The following PRICKLE2 variants were observed in gnomAD, a reference collection of about 807,000 sequenced individuals.
PRICKLE2 encodes prickle-like protein 2.
PRICKLE2 carries 21 observed loss-of-function variants against 81.4 expected under a neutral mutation model. That is an observed-to-expected ratio of 0.26 (90% CI 0.18 to 0.37). The LOEUF (loss-of-function observed/expected upper bound fraction) is 0.37, where lower values mean the gene tolerates loss of function less well. Among genes scored for constraint, PRICKLE2 ranks in the 10% least tolerant of loss-of-function variants. PRICKLE2 has a pLI of 1.00. For missense variants in PRICKLE2, 940 were observed against 1,109.0 expected, an observed-to-expected ratio of 0.85 and a Z score of 2.16; for synonymous variants, 456 against 421.5, an observed-to-expected ratio of 1.08 and a Z score of -1.00.
At chr3:64,251,380 C>T (rs1559604510) in intron 2 of PRICKLE2, among the ~76,000 whole-genome samples, 1 of 152,218 alleles carries the variant, frequency 6.6e-6, no homozygotes, top group African/African-American at 2.4e-5. Flanking sequence ...ACCACTTCTG[C>T]ATGTCCTCTC....
chr3:64,202,386 GA>G (rs2078599463), intron 1 of PRICKLE2, among the ~76,000 whole-genome samples: 1 of 152,068 alleles, frequency 6.6e-6, no homozygotes, highest in Admixed American at 6.5e-5. Context: ...GCCAATCCAT[GA>G]ACACAGGCTA....
intron 7 of PRICKLE2, among the ~76,000 whole-genome samples, chr3:64,106,756 G>T (rs1482152112): frequency 6.6e-6 from 1 of 152,186 alleles, no homozygotes; most frequent in Non-Finnish European, 1.5e-5. Context: ...TTAAGCCATG[G>T]GGTGTGTGTG....
intron 2 of PRICKLE2, among the ~76,000 whole-genome samples, chr3:64,235,724 A>G (rs573396921): frequency 1.3e-5 from 2 of 152,292 alleles, no homozygotes; most frequent in Admixed American, 1.3e-4. Context: ...TATTGTTTTG[A>G]CAATTCCTTT....
chr3:64,237,053 G>C (rs1200828724), intron 2 of PRICKLE2, among the ~76,000 whole-genome samples: 1 of 152,170 alleles, frequency 6.6e-6, no homozygotes, highest in African/African-American at 2.4e-5. Context: ...CACAGGATGG[G>C]GAGCACGCAG....
chr3:64,137,058 G>A (rs1038939577), intron 7 of PRICKLE2, among the ~76,000 whole-genome samples: 2 of 152,142 alleles, frequency 1.3e-5, no homozygotes, highest in African/African-American at 4.8e-5. Flanking sequence ...CTAATACGTA[G>A]GGAAGAAACT....
At chr3:64,119,187 A>G (rs962720662) in intron 7 of PRICKLE2, among the ~76,000 whole-genome samples, 2 of 152,186 alleles carry the variant, frequency 1.3e-5, no homozygotes, top group South Asian at 4.1e-4. Flanking sequence ...ACATGGACAC[A>G]TGGAGGGGAA....
At chr3:64,263,084 G>C (rs188811999) in intron 2 of PRICKLE2, among the ~76,000 whole-genome samples, 1 of 152,178 alleles carries the variant, frequency 6.6e-6, no homozygotes, top group Non-Finnish European at 1.5e-5. Flanking sequence ...GCTCAAGAGG[G>C]AGATGTAAAA....
chr3:64,168,455 G>A (rs1054347596), intron 2 of PRICKLE2, among the ~76,000 whole-genome samples: 2 of 152,116 alleles, frequency 1.3e-5, no homozygotes, highest in Non-Finnish European at 2.9e-5. Context: ...AGCCATCCTG[G>A]GCTGCATGCA....
intron 2 of PRICKLE2, among the ~76,000 whole-genome samples, chr3:64,168,996 T>A (rs147185602): frequency 9.0e-4 from 137 of 152,234 alleles, no homozygotes; most frequent in Admixed American, 1.8e-3. Flanking sequence ...ATTTTTTTTT[T>A]CTTCCTTAAC....
intron 1 of PRICKLE2, among the ~76,000 whole-genome samples, chr3:64,223,419 AT>A (rs572793843): frequency 3.3e-5 from 5 of 152,128 alleles, no homozygotes; most frequent in Admixed American, 1.3e-4. Context: ...ATATCATCTC[AT>A]ACTATCTAAC....
At chr3:64,100,071 C>A (rs2076632376) in intron 7 of PRICKLE2, 146 bp from the exon 8 acceptor site, 2 of 809,928 alleles carry the variant, frequency 2.5e-6, no homozygotes, top group Non-Finnish European at 2.0e-6. Flanking sequence ...GGCACATGTG[C>A]CTGTGAGGGG....
chr3:64,256,432 A>G (rs755568620), intron 2 of PRICKLE2, among the ~76,000 whole-genome samples: 18 of 152,206 alleles, frequency 1.2e-4, no homozygotes, highest in Non-Finnish European at 2.2e-4. Context: ...TCATTACACA[A>G]GTACCTACAT....
chr3:64,266,540 C>G (rs2079712243), intron 2 of PRICKLE2, among the ~76,000 whole-genome samples: 1 of 152,146 alleles, frequency 6.6e-6, no homozygotes, highest in Admixed American at 6.5e-5. Flanking sequence ...GTAGGATGAG[C>G]AGAATCAGCT....
intron 1 of PRICKLE2, among the ~76,000 whole-genome samples, chr3:64,215,528 C>G (rs1281219811): frequency 1.3e-5 from 2 of 152,160 alleles, no homozygotes; most frequent in Non-Finnish European, 2.9e-5. Context: ...TTGACTAATA[C>G]TTAGTCTGAA....
rs990584312 is a variant in PRICKLE2, at chr3:64,127,556, G to A, written c.1660+19274C>T. On this transcript the variant is annotated intron_variant, in intron 7 of 7. Transcript: ENST00000638394. ...AAAGAGGAATCTGAGACTCAAAGAG[G>A]TTGGGGGCTGCCCTGATCACACAGG... Among the ~76,000 whole-genome samples the A allele has an allele frequency of 3.9e-5, 6 of 152,226 alleles. No homozygotes were observed. The South Asian group carries it at 6.2e-4, about 16-fold the overall frequency.
chr3:64,122,392 C>G (rs1425648864), intron 7 of PRICKLE2, among the ~76,000 whole-genome samples: 1 of 152,192 alleles, frequency 6.6e-6, no homozygotes, highest in Non-Finnish European at 1.5e-5. Context: ...GTGTCAGAAT[C>G]ACAGAATCAC....
intron 1 of PRICKLE2, chr3:64,200,490 T>G (rs546539975): frequency 6.6e-6 from 1 of 152,344 alleles, no homozygotes; most frequent in South Asian, 2.1e-4. Context: ...AGGTTCTCAT[T>G]GTTTCCCAGG....
chr3:64,149,717 A>G (rs2077513327), intron 6 of PRICKLE2, among the ~76,000 whole-genome samples: 1 of 152,156 alleles, frequency 6.6e-6, no homozygotes, highest in Non-Finnish European at 1.5e-5. Context: ...TGCAAGAACA[A>G]AAGGCCACCG....
chr3:64,192,921 G>A (rs921273162), intron 2 of PRICKLE2, among the ~76,000 whole-genome samples: 1 of 152,182 alleles, frequency 6.6e-6, no homozygotes, highest in Non-Finnish European at 1.5e-5. Flanking sequence ...CCACTCAGGA[G>A]AAACAATCTG....
Sources: gnomAD v4.1 joint callset for allele counts (sites outside exome capture counted in the v4.1 genomes callset) on GRCh38, gnomAD v4.1.1 for gene constraint, MANE v1.5 for transcripts, NCBI Gene and HGNC (gene_info 2026-07-23, HGNC 2026-07-21) for gene names.